FIGN: variants seen among roughly 807,000 people sequenced by gnomAD.
The protein encoded by FIGN is fidgetin.
Under a neutral mutation model 51.3 loss-of-function variants are expected in FIGN, and 11 were observed. The observed-to-expected ratio is 0.21, with a 90% CI of 0.13 to 0.35. The LOEUF is 0.35. Among genes scored for constraint, FIGN ranks in the 10% least tolerant of loss-of-function variants. The pLI, the probability that FIGN is intolerant of heterozygous loss-of-function variation, is 1.00. For synonymous variants in FIGN, 407 were observed against 363.2 expected (o/e 1.12, Z -1.37); for missense variants, 857 against 943.6 (o/e 0.91, Z 1.20).
chr2:163,657,417 A>G (rs1398349369), intron 2 of FIGN, among the ~76,000 whole-genome samples: 1 of 152,138 alleles, frequency 6.6e-6, no homozygotes, highest in East Asian at 1.9e-4. Context: ...TCTGGCATAC[A>G]TACCATGCAT....
chr2:163,654,744 T>C (rs904306007), intron 2 of FIGN, among the ~76,000 whole-genome samples: 8 of 152,108 alleles, frequency 5.3e-5, no homozygotes, highest in African/African-American at 1.9e-4. Context: ...AAAGAAAGGA[T>C]AATACTAGAG....
Position 163,610,171 on chromosome 2 carries a change from C to T in FIGN, c.1661G>A (p.Gly554Glu), listed in dbSNP as rs762834705. The T allele has an allele frequency of 4.3e-6, 7 of 1,613,968 alleles. No individual in the cohort carries two copies. The East Asian group carries it at 1.1e-4, about 26-fold the overall frequency. Residue 554 changes from glycine to glutamate, a missense_variant, in exon 3 of 3, where the codon GGA becomes GAA. Coordinates refer to ENST00000333129, the MANE Select transcript of FIGN (RefSeq NM_018086.4). ...GATFFKIAGS[G>E]LVAKWLGEAE... ...TTCTCCTAACCACTTGGCGACTAGT[C>T]CAGAACCGGCAATTTTGAAAAATGT...
chr2:163,695,490 A>G (rs1353321510), intron 2 of FIGN, among the ~76,000 whole-genome samples: 1 of 152,136 alleles, frequency 6.6e-6, no homozygotes, highest in Non-Finnish European at 1.5e-5. Flanking sequence ...GATTCCTTAG[A>G]GCTTGTCATT....
intron 2 of FIGN, among the ~76,000 whole-genome samples, chr2:163,688,674 A>G (rs1684192014): frequency 6.6e-6 from 1 of 152,186 alleles, no homozygotes; most frequent in African/African-American, 2.4e-5. Flanking sequence ...CAACATGAAC[A>G]CATTGTTTGT....
intron 2 of FIGN, among the ~76,000 whole-genome samples, chr2:163,632,969 T>C (rs1425306382): frequency 6.6e-6 from 1 of 152,096 alleles, no homozygotes; most frequent in Non-Finnish European, 1.5e-5. Context: ...GACAGGAGGA[T>C]TGCTGGAGCC....
At chr2:163,720,501 G>A (rs1684740188) in intron 2 of FIGN, among the ~76,000 whole-genome samples, 2 of 152,078 alleles carry the variant, frequency 1.3e-5, no homozygotes. Context: ...CCATTTTAGG[G>A]TAAACTTGTA....
At chr2:163,648,069 A>C (rs555238461) in intron 2 of FIGN, among the ~76,000 whole-genome samples, 5 of 152,238 alleles carry the variant, frequency 3.3e-5, no homozygotes, top group African/African-American at 1.2e-4. Flanking sequence ...CAGACAGTGA[A>C]ACCTTAAATG....
At chr2:163,662,300 C>T (rs1026270073) in intron 2 of FIGN, among the ~76,000 whole-genome samples, 1 of 152,088 alleles carries the variant, frequency 6.6e-6, no homozygotes, top group African/African-American at 2.4e-5. Context: ...AGATGATTTA[C>T]CGTATCTGGT....
rs1295080953 is a variant in FIGN at position 163,609,846 on chromosome 2, T to C, written c.1986A>G (p.Ile662Met). 2 of 1,614,166 alleles carry C rather than the reference T, an allele frequency of 1.2e-6. No homozygotes were observed. Among genetic ancestry groups the C allele is most frequent in the East Asian group, 2.2e-5 (1 of 44,866 alleles). Residue 662 changes from isoleucine (I) to methionine (M), a missense_variant, in exon 3 of 3, where the codon ATA (isoleucine) becomes ATG (methionine). Around this residue, in one of 3 missense-constraint regions of FIGN, gnomAD observed 799 missense variants for 849.5 expected, o/e 0.94. Transcript: ENST00000333129. ...LPDSTARHQI[I>M]VQLLSQHNYC... ...AATTGTGCTGTGAGAGCAGTTGTAC[T>C]ATTATCTGGTGCCTCGCTGTGCTGT...
In FIGN at chr2:163,627,796, T is replaced by C. The variant is rs188443547; in HGVS notation, c.26-15990A>G. Among the ~76,000 whole-genome samples the C allele has an allele frequency of 3.8e-4, 58 of 152,156 alleles. No individual in the cohort carries two copies. In the East Asian group the frequency reaches 8.7e-3, roughly 23 times the overall value. ...AAACAAGCAAACAGACAAGCCAAAG[T>C]GAAACCTGAGCATTCAACTTCTTTT... On this transcript the variant is annotated intron_variant, in intron 2 of 2. Transcript: ENST00000333129.
chr2:163,639,592 T>C (rs1051273670), intron 2 of FIGN, among the ~76,000 whole-genome samples: 10 of 152,094 alleles, frequency 6.6e-5, no homozygotes, highest in Admixed American at 6.5e-4. Flanking sequence ...TTTACCACAA[T>C]ATATTTGGAT....
chr2:163,712,796 CACAA>C (rs1203015448), intron 2 of FIGN, among the ~76,000 whole-genome samples: 1 of 152,198 alleles, frequency 6.6e-6, no homozygotes, highest in African/African-American at 2.4e-5. Context: ...TTTTTATTAA[CACAA>C]ACAACCTCCA....
intron 2 of FIGN, among the ~76,000 whole-genome samples, chr2:163,713,378 T>C (rs1684617917): frequency 6.6e-6 from 1 of 151,966 alleles, no homozygotes; most frequent in Non-Finnish European, 1.5e-5. Context: ...TGTAAAGAAA[T>C]GCCTAAATAA....
At chr2:163,638,926 T>C (rs919166684) in intron 2 of FIGN, among the ~76,000 whole-genome samples, 4 of 152,152 alleles carry the variant, frequency 2.6e-5, no homozygotes, top group Non-Finnish European at 5.9e-5. Flanking sequence ...AACATCTAAT[T>C]TAATTGTAAA....
At chr2:163,634,095 T>C (rs947741033) in intron 2 of FIGN, among the ~76,000 whole-genome samples, 43 of 150,834 alleles carry the variant, frequency 2.9e-4, no homozygotes, top group African/African-American at 1.0e-3. Flanking sequence ...TATGCGTGTG[T>C]GTGTGTGTGT....
At chr2:163,731,624 C>T (rs1684930770) in intron 2 of FIGN, among the ~76,000 whole-genome samples, 1 of 151,554 alleles carries the variant, frequency 6.6e-6, no homozygotes, top group Non-Finnish European at 1.5e-5. Context: ...AGAATAAAAC[C>T]CCCTATTTTC....
chr2:163,695,138 A>T (rs1418695852), intron 2 of FIGN, among the ~76,000 whole-genome samples: 1 of 152,020 alleles, frequency 6.6e-6, no homozygotes, highest in Non-Finnish European at 1.5e-5. Context: ...TTCATCTCAA[A>T]CTATCACCAC....
At chr2:163,708,347 G>T (rs1183896612) in intron 2 of FIGN, among the ~76,000 whole-genome samples, 1 of 152,102 alleles carries the variant, frequency 6.6e-6, no homozygotes, top group Non-Finnish European at 1.5e-5. Flanking sequence ...TACAAACTCA[G>T]TCATTCAATA....
In FIGN at chr2:163,611,607, A is replaced by G; in HGVS notation, c.225T>C (p.Tyr75=). 6.2e-7 allele frequency: 1 copy of G among 1,614,230 alleles called. No individual in the cohort carries two copies. The highest frequency in any genetic ancestry group is 8.5e-7 in the Non-Finnish European group (1 of 1,180,032). ...CCACAGGACCTTCCAAAATGCCGGAATACTTCTCTGCATATTTTTTTAGTA... is the reference window on the plus strand; with the variant it reads ...CCACAGGACCTTCCAAAATGCCGGAGTACTTCTCTGCATATTTTTTTAGTA... The part of the protein sequence containing the change: ...SNLLKKYAEK[Y]SGILEGPVDR... The change falls in exon 3 of 3, where the codon TAT becomes TAC. Residue 75 remains tyrosine (Y), a synonymous_variant. Coordinates refer to ENST00000333129, the MANE Select transcript of FIGN (RefSeq NM_018086.4).
Sources: gnomAD v4.1 joint callset for allele counts (sites outside exome capture counted in the v4.1 genomes callset) on GRCh38, gnomAD v4.1.1 for gene constraint, gnomAD v4.1.1 regional missense constraint, MANE v1.5 for transcripts, NCBI Gene and HGNC (gene_info 2026-07-23, HGNC 2026-07-21) for gene names.